FERMT1: variants seen among roughly 807,000 people sequenced by gnomAD.
FERMT1 encodes the protein FERM domain containing kindlin 1.
FERMT1 carries 60 observed loss-of-function variants against 85.3 expected under a neutral mutation model. The ratio of observed to expected loss-of-function variants is 0.70; its 90% CI spans 0.57 to 0.87. The LOEUF is 0.87. Ranked by LOEUF, FERMT1 falls within the 40% of genes least tolerant of loss-of-function variation. FERMT1 has a pLI of 0.00. For missense variants in FERMT1, 701 were observed against 818.9 expected, an observed-to-expected ratio of 0.86 and a Z score of 1.76; for synonymous variants, 275 against 301.1, an observed-to-expected ratio of 0.91 and a Z score of 0.90.
intron 1 of FERMT1, chr20:6,120,337 T>G (rs1258963327): frequency 1.3e-5 from 2 of 152,234 alleles, no homozygotes; most frequent in Non-Finnish European, 2.9e-5. Context: ...TGGATACATC[T>G]TTGGCAAAAG....
Position 6,084,096 on chromosome 20 carries a change from C to G in FERMT1, c.1662G>C (p.Arg554=). The G allele has an allele frequency of 1.2e-6, 2 of 1,614,032 alleles. No individual in the cohort carries two copies. Among genetic ancestry groups the G allele is most frequent in the Non-Finnish European group, 1.7e-6 (2 of 1,179,984 alleles). ...AQMPLVEAKL[R]FIQAWQSLPE... ...GCAGTGACTGCCACGCCTGGATGAACCGCAGCTTGGCTTCGACCAGGGGCA... is the reference window on the plus strand; with the variant it reads ...GCAGTGACTGCCACGCCTGGATGAAGCGCAGCTTGGCTTCGACCAGGGGCA... The change falls in exon 13 of 15, where the codon CGG becomes CGC. Residue 554 remains arginine (R), a synonymous_variant. Coordinates refer to ENST00000217289, the MANE Select transcript of FERMT1 (RefSeq NM_017671.5).
At chr20:6,120,574 G>A (rs1039853932) in intron 1 of FERMT1, 1 of 152,176 alleles carries the variant, frequency 6.6e-6, no homozygotes, top group African/African-American at 2.4e-5. Flanking sequence ...AAGAAATAAT[G>A]CTACTGCTCC....
chr20:6,122,455 C>T (rs765710399), intron 1 of FERMT1, among the ~76,000 whole-genome samples: 1 of 152,206 alleles, frequency 6.6e-6, no homozygotes, highest in Non-Finnish European at 1.5e-5. Flanking sequence ...CCTGGAATAT[C>T]TGAAGGTGCT....
intron 13 of FERMT1, among the ~76,000 whole-genome samples, chr20:6,081,454 G>A (rs1044046116): frequency 5.9e-5 from 9 of 152,138 alleles, no homozygotes; most frequent in African/African-American, 2.2e-4. Context: ...GACTCATTGT[G>A]TCAAATGCTG....
chr20:6,084,047 GGTA>G lies in FERMT1; in HGVS notation c.1708_1710del (p.Tyr570del), dbSNP rs1982089256. The G allele has an allele frequency of 6.2e-7, 1 of 1,614,054 alleles. No homozygotes were observed. The highest frequency in any genetic ancestry group is 1.3e-5 in the African/African-American group (1 of 74,956). On this transcript the variant is annotated inframe_deletion, in exon 13 of 15. Transcript: ENST00000217289. ...AGTGAACATTGTAATCACCTGACAA[GGTA>G]GTAGGTGAGGCCAAACTCAGGCAGT...
intron 2 of FERMT1, among the ~76,000 whole-genome samples, chr20:6,117,942 G>GT (rs1983153127): frequency 6.6e-6 from 1 of 152,238 alleles, no homozygotes; most frequent in Non-Finnish European, 1.5e-5. Context: ...GATTACAGGC[G>GT]TGAGCCACTG....
chr20:6,101,068 A>G (rs1001467826), intron 6 of FERMT1, among the ~76,000 whole-genome samples: 1 of 152,246 alleles, frequency 6.6e-6, no homozygotes, highest in African/African-American at 2.4e-5. Context: ...AATTCAAACG[A>G]AAACAAGATG....
At chr20:6,118,146 T>C (rs1324930361) in intron 2 of FERMT1, among the ~76,000 whole-genome samples, 1 of 152,160 alleles carries the variant, frequency 6.6e-6, no homozygotes, top group East Asian at 1.9e-4. Flanking sequence ...AAATGTCCAT[T>C]AAGAGGTAAA....
chr20:6,111,182 C>T (rs1482005220), intron 4 of FERMT1, among the ~76,000 whole-genome samples: 1 of 152,196 alleles, frequency 6.6e-6, no homozygotes, highest in Non-Finnish European at 1.5e-5. Flanking sequence ...AACTGGAGAC[C>T]TCATAGAATG....
In FERMT1 at chr20:6,085,210, C is replaced by G; in HGVS notation, c.1449G>C (p.Gln483His). The change falls in exon 12 of 15, where the codon CAG becomes CAC. Residue 483 changes from glutamine (Q) to histidine (H), a missense_variant. Coordinates refer to ENST00000217289, the MANE Select transcript of FERMT1 (RefSeq NM_017671.5). ...ATGAAAGGATGTTGAGGACCTCTGG[C>G]TGGTAGGAGCTGTCTGCCATGGTTT... ...KGKTMADSSYQPEVLNILSFL... is the reference protein window; with the variant it reads ...KGKTMADSSYHPEVLNILSFL... The G allele has an allele frequency of 6.2e-7, 1 of 1,614,136 alleles. No individual in the cohort carries two copies. The highest frequency in any genetic ancestry group is 8.5e-7 in the Non-Finnish European group (1 of 1,180,024).
intron 13 of FERMT1, among the ~76,000 whole-genome samples, chr20:6,082,515 T>G (rs968390216): frequency 6.6e-6 from 1 of 152,188 alleles, no homozygotes; most frequent in African/African-American, 2.4e-5. Context: ...TGCGCGCACA[T>G]AGTGGGTATC....
intron 6 of FERMT1, among the ~76,000 whole-genome samples, chr20:6,105,097 A>G (rs1982761963): frequency 6.6e-6 from 1 of 152,176 alleles, no homozygotes; most frequent in Non-Finnish European, 1.5e-5. Context: ...GGGGCAAAGA[A>G]AGTACCAGAT....
intron 8 of FERMT1, 101 bp downstream of exon 8, chr20:6,096,801 T>TTTTAA: frequency 1.1e-6 from 1 of 925,434 alleles, no homozygotes; most frequent in Non-Finnish European, 1.6e-6. Flanking sequence ...TTTTTTTTTT[T>TTTTAA]CAAAATCAGA....
chr20:6,090,138 G>A (rs548297521), intron 9 of FERMT1, among the ~76,000 whole-genome samples: 3 of 152,090 alleles, frequency 2.0e-5, no homozygotes, highest in Admixed American at 1.3e-4. Flanking sequence ...GCTGTGGCAC[G>A]ATCTCGGCTC....
At chr20:6,112,681 A>T in intron 3 of FERMT1, 58 bp from the exon 4 acceptor site, 3 of 1,209,758 alleles carry the variant, frequency 2.5e-6, no homozygotes, top group Non-Finnish European at 3.4e-6. Flanking sequence ...TCCTTCTAAG[A>T]CTCAGGGTCA....
Position 6,119,500 on chromosome 20 carries a change from C to T in FERMT1, c.55G>A (p.Asp19Asn), listed in dbSNP as rs1983205613. 2 of 1,614,062 alleles carry T rather than the reference C, an allele frequency of 1.2e-6. No homozygotes were observed. The highest frequency in any genetic ancestry group is 2.2e-5 in the South Asian group (2 of 91,076). Residue 19 changes from aspartate (D) to asparagine (N), a missense_variant, in exon 2 of 15, where the codon GAC becomes AAC. Asp to Asn is a conservative substitution (Grantham distance 23). Coordinates refer to ENST00000217289, the MANE Select transcript of FERMT1 (RefSeq NM_017671.5). Reference sequence around the variant, plus strand: ...TTCTGCTGCTCTTCATTGGGATGGTCAACGCGGACCACAAGCTCCCAGGAA... The same window carrying T: ...TTCTGCTGCTCTTCATTGGGATGGTTAACGCGGACCACAAGCTCCCAGGAA... ...FASWELVVRV[D>N]HPNEEQQKDV... is the part of the protein sequence containing the mutation.
chr20:6,118,568 ACT>A (rs1195233969), intron 2 of FERMT1, among the ~76,000 whole-genome samples: 1 of 152,260 alleles, frequency 6.6e-6, no homozygotes, highest in African/African-American at 2.4e-5. Context: ...TGAAAAAAAA[ACT>A]ATCTTGCTAG....
At chr20:6,102,935 A>G (rs769511703) in intron 6 of FERMT1, among the ~76,000 whole-genome samples, 2 of 152,162 alleles carry the variant, frequency 1.3e-5, no homozygotes, top group Non-Finnish European at 2.9e-5. Context: ...AAGATTCTCT[A>G]TTGGCCCAGG....
intron 3 of FERMT1, among the ~76,000 whole-genome samples, chr20:6,115,388 C>A (rs960528998): frequency 2.0e-5 from 3 of 152,106 alleles, no homozygotes; most frequent in African/African-American, 7.2e-5. Flanking sequence ...TTTACTTGAG[C>A]CAGGTCTTAA....
Sources: allele counts gnomAD v4.1 joint callset (sites outside exome capture counted in the v4.1 genomes callset), GRCh38; gene constraint gnomAD v4.1.1; transcripts MANE v1.5; gene names NCBI Gene and HGNC (gene_info 2026-07-23, HGNC 2026-07-21).